Variants in MRPS31 observed in about 807,000 individuals in gnomAD.
The protein encoded by MRPS31 is mitochondrial ribosomal protein S31, also known as small ribosomal subunit protein mS31.
A neutral mutation model predicts 43.1 loss-of-function variants in MRPS31; 32 were observed. The observed-to-expected ratio is 0.74, with a 90% CI of 0.56 to 1.00. The LOEUF (loss-of-function observed/expected upper bound fraction) is 1.00. Among genes scored for constraint, MRPS31 ranks in the 50% least tolerant of loss-of-function variants. The pLI, the probability that MRPS31 is intolerant of heterozygous loss-of-function variation, is 0.00. For synonymous variants in MRPS31, 165 were observed against 161.6 expected (o/e 1.02, Z -0.16); for missense variants, 437 against 466.7 (o/e 0.94, Z 0.59).
intron 5 of MRPS31, among the ~76,000 whole-genome samples, chr13:40,751,525 G>C (rs1286314381): frequency 2.0e-5 from 3 of 152,176 alleles, no homozygotes; most frequent in African/African-American, 7.2e-5. Context: ...TCGACTCTAG[G>C]ATAACCAGTA....
At chr13:40,746,223 G>A (rs1342068972) in intron 6 of MRPS31, among the ~76,000 whole-genome samples, 1 of 152,102 alleles carries the variant, frequency 6.6e-6, no homozygotes, top group Non-Finnish European at 1.5e-5. Context: ...CTAATTATTA[G>A]TAGGGAAAGA....
chr13:40,767,853 A>C (rs1164632881), intron 1 of MRPS31, among the ~76,000 whole-genome samples: 1 of 152,258 alleles, frequency 6.6e-6, no homozygotes, highest in Non-Finnish European at 1.5e-5. Flanking sequence ...CTATCAATAA[A>C]AAAGATTATT....
At chr13:40,756,665 G>A (rs1017543846) in intron 4 of MRPS31, among the ~76,000 whole-genome samples, 4 of 152,166 alleles carry the variant, frequency 2.6e-5, no homozygotes, top group Non-Finnish European at 4.4e-5. Flanking sequence ...TTGATTTCAG[G>A]TATGGAAAAC....
Position 40,738,262 on chromosome 13 carries a change from C to T in MRPS31, c.959-8661G>A, listed in dbSNP as rs1288094060. Among the ~76,000 whole-genome samples the T allele has an allele frequency of 2.6e-5, 4 of 151,844 alleles. No homozygotes were observed. The East Asian group carries it at 5.8e-4, about 22-fold the overall frequency. ...GGAAGAAGTTGAATCTCTGAATAGA[C>T]CAATAACAGGATCTGAAATTGTGGC... On this transcript the variant is annotated intron_variant, in intron 6 of 6. Transcript: ENST00000323563.
intron 6 of MRPS31, among the ~76,000 whole-genome samples, chr13:40,734,110 C>G (rs1879797665): frequency 6.6e-6 from 1 of 151,912 alleles, no homozygotes; most frequent in East Asian, 1.9e-4. Context: ...GCCTGGGTGA[C>G]AAAGCAAGAA....
intron 6 of MRPS31, among the ~76,000 whole-genome samples, chr13:40,733,154 C>T (rs1345613046): frequency 6.6e-6 from 1 of 151,960 alleles, no homozygotes; most frequent in Admixed American, 6.6e-5. Flanking sequence ...CAGGCACTCA[C>T]CACCATGCCC....
chr13:40,742,886 CA>C (rs1880141304), intron 6 of MRPS31, among the ~76,000 whole-genome samples: 1 of 152,114 alleles, frequency 6.6e-6, no homozygotes, highest in Admixed American at 6.6e-5. Flanking sequence ...TACCTTTGAC[CA>C]TGTACAAAAA....
chr13:40,762,472 C>A (rs984450843), intron 2 of MRPS31, among the ~76,000 whole-genome samples: 5 of 149,284 alleles, frequency 3.3e-5, no homozygotes. Context: ...TTTTTTTTCC[C>A]ACCCAGGCTG....
At chr13:40,746,497 C>G (rs1880243343) in intron 6 of MRPS31, among the ~76,000 whole-genome samples, 1 of 152,170 alleles carries the variant, frequency 6.6e-6, no homozygotes, top group South Asian at 2.1e-4. Context: ...ATGTGGATAG[C>G]TGTCACATTT....
chr13:40,737,530 G>T (rs1289357926), intron 6 of MRPS31, among the ~76,000 whole-genome samples: 2 of 151,994 alleles, frequency 1.3e-5, no homozygotes, highest in Non-Finnish European at 2.9e-5. Context: ...CACATACTTG[G>T]AAGTAAAGCT....
chr13:40,729,529 T>C lies in MRPS31; in HGVS notation c.1031A>G (p.Gln344Arg), dbSNP rs1490752119. Residue 344 changes from glutamine to arginine, a missense_variant, in exon 7 of 7, where the codon CAA becomes CGA. By Grantham distance (43) the Gln-to-Arg change is conservative (BLOSUM62 1). Coordinates refer to ENST00000323563, the MANE Select transcript of MRPS31 (RefSeq NM_005830.4). ...CTCCATGAAGTGGCGAATTGGTCCT[T>C]GTTTTGGAAAGCTCTCCAGGTGTTT... ...LEKHLESFPK[Q>R]GPIRHFMELV... 6.2e-7 allele frequency: 1 copy of C among 1,614,152 alleles called. No individual in the cohort carries two copies. The highest frequency in any genetic ancestry group is 2.2e-5 in the East Asian group (1 of 44,874).
chr13:40,763,794 T>A (rs1880768213), intron 2 of MRPS31, among the ~76,000 whole-genome samples: 1 of 152,096 alleles, frequency 6.6e-6, no homozygotes, highest in Non-Finnish European at 1.5e-5. Context: ...TGAGGCTAGA[T>A]CAAATAATGT....
At chr13:40,766,661 C>A in intron 2 of MRPS31, 85 bp downstream of exon 2, 1 of 1,257,010 alleles carries the variant, frequency 8.0e-7, no homozygotes, top group Non-Finnish European at 1.1e-6. Flanking sequence ...CAACATTTCC[C>A]AAGTACTTGT....
rs1339209411 is a variant in MRPS31 at position 40,749,123 on chromosome 13, G to C, written c.958+15C>G. ...CAATCAATACGTTTTATAATCCCCTGAAATTAACACTTACCTGCTTCATTG... is the reference window on the plus strand; with the variant it reads ...CAATCAATACGTTTTATAATCCCCTCAAATTAACACTTACCTGCTTCATTG... On this transcript the variant is annotated intron_variant, in intron 6 of 6. Coordinates refer to ENST00000323563, the MANE Select transcript of MRPS31 (RefSeq NM_005830.4). The C allele has an allele frequency of 1.3e-6, 2 of 1,582,304 alleles. No homozygotes were observed. The highest frequency in any genetic ancestry group is 1.2e-5 in the South Asian group (1 of 84,280).
intron 6 of MRPS31, among the ~76,000 whole-genome samples, chr13:40,734,673 G>C: frequency 6.6e-6 from 1 of 152,158 alleles, no homozygotes; most frequent in Non-Finnish European, 1.5e-5. Context: ...GGCCAAGCCA[G>C]GAGGATCACT....
intron 6 of MRPS31, among the ~76,000 whole-genome samples, chr13:40,739,016 C>T (rs1022771874): frequency 6.6e-6 from 1 of 152,180 alleles, no homozygotes; most frequent in Non-Finnish European, 1.5e-5. Context: ...TTGCAGATGA[C>T]ATGATTGTAT....
At chr13:40,766,386 T>C (rs988293785) in intron 2 of MRPS31, among the ~76,000 whole-genome samples, 6 of 152,182 alleles carry the variant, frequency 3.9e-5, no homozygotes, top group African/African-American at 1.2e-4. Context: ...CTCTGCCTCC[T>C]GGGTTCAAAC....
chr13:40,770,676 T>C (rs1880981507), intron 1 of MRPS31: 1 of 359,870 alleles, frequency 2.8e-6, no homozygotes, highest in African/African-American at 2.2e-5. Context: ...AACTAAAGAA[T>C]AAATGAAGGA....
intron 6 of MRPS31, among the ~76,000 whole-genome samples, chr13:40,741,560 C>T (rs2137999447): frequency 6.6e-6 from 1 of 152,214 alleles, no homozygotes; most frequent in African/African-American, 2.4e-5. Context: ...TTACCCAGAA[C>T]ATTTGAAAGG....
Sources: gnomAD v4.1 joint callset for allele counts (sites outside exome capture counted in the v4.1 genomes callset) on GRCh38, gnomAD v4.1.1 for gene constraint, MANE v1.5 for transcripts, NCBI Gene and HGNC (gene_info 2026-07-23, HGNC 2026-07-21) for gene names.